PIWIL2: variants seen among roughly 807,000 people sequenced by gnomAD.
PIWIL2 encodes the protein piwi-like protein 2.
A neutral mutation model predicts 116.5 loss-of-function variants in PIWIL2; 81 were observed. The ratio of observed to expected loss-of-function variants is 0.70; its 90% CI spans 0.58 to 0.84. PIWIL2 has a LOEUF of 0.84. Ranked by LOEUF, PIWIL2 falls within the 40% of genes least tolerant of loss-of-function variation. PIWIL2 has a pLI of 0.00. For missense variants in PIWIL2, 1,272 were observed against 1,212.3 expected (o/e 1.05, Z -0.73); for synonymous variants, 489 against 429.5 (o/e 1.14, Z -1.71).
chr8:22,293,840 T>C (rs536932023), intron 10 of PIWIL2, among the ~76,000 whole-genome samples: 13 of 152,214 alleles, frequency 8.5e-5, no homozygotes, highest in African/African-American at 3.1e-4. Context: ...TACTGTACTT[T>C]TTTTGGTTTT....
rs527793446 is a variant in PIWIL2 at position 22,306,513 on chromosome 8, G to T, written c.1545+497G>T. Among the ~76,000 whole-genome samples, 65 of 152,260 alleles carry T rather than the reference G, an allele frequency of 4.3e-4. 1 individual carries two copies. The highest frequency in any genetic ancestry group is 1.6e-3 in the African/African-American group (65 of 41,552). On this transcript the variant is annotated intron_variant, in intron 13 of 22. Coordinates refer to ENST00000356766, the MANE Select transcript of PIWIL2 (RefSeq NM_018068.5). ...TGGGGGTGTTGGGCTCAGCTCCTGT[G>T]GGCAGGGCTGAGTAGCACAGATGGG...
chr8:22,307,530 T>A (rs13257108), intron 13 of PIWIL2, among the ~76,000 whole-genome samples: 1 of 141,662 alleles, frequency 7.1e-6, no homozygotes, highest in East Asian at 2.0e-4. Flanking sequence ...TTGCCCAGGC[T>A]GGAGGGCAGT....
chr8:22,299,824 A>G (rs2132021749), intron 10 of PIWIL2, among the ~76,000 whole-genome samples: 1 of 152,284 alleles, frequency 6.6e-6, no homozygotes, highest in East Asian at 1.9e-4. Context: ...TCTGCACGCC[A>G]TGGGCAGCAA....
At chr8:22,308,774 G>A (rs1007942097) in intron 14 of PIWIL2, among the ~76,000 whole-genome samples, 1 of 151,920 alleles carries the variant, frequency 6.6e-6, no homozygotes, top group Non-Finnish European at 1.5e-5. Flanking sequence ...TCAGCCTCCC[G>A]AATAGTTGGA....
intron 5 of PIWIL2, 31 bp from the exon 6 acceptor site, chr8:22,284,131 T>C (rs748588016): frequency 1.5e-5 from 18 of 1,192,514 alleles, no homozygotes; most frequent in East Asian, 2.4e-5. Flanking sequence ...GTTTTTGATA[T>C]ATGCAGTTGC....
At chr8:22,298,750 A>G (rs956402076) in intron 10 of PIWIL2, among the ~76,000 whole-genome samples, 4 of 152,224 alleles carry the variant, frequency 2.6e-5, no homozygotes, top group African/African-American at 9.6e-5. Flanking sequence ...TTGGTCTTCT[A>G]TAGAATATTT....
chr8:22,325,624 C>T (rs1346272804), intron 20 of PIWIL2, among the ~76,000 whole-genome samples: 2 of 151,140 alleles, frequency 1.3e-5, no homozygotes, highest in African/African-American at 4.9e-5. Context: ...GCTGGGATTA[C>T]AAGCGTGCGC....
At chr8:22,276,398 C>G (rs1830371181) in intron 1 of PIWIL2, among the ~76,000 whole-genome samples, 1 of 152,210 alleles carries the variant, frequency 6.6e-6, no homozygotes, top group African/African-American at 2.4e-5. Context: ...TCACTGCAAC[C>G]TCCGCCTCCC....
intron 20 of PIWIL2, among the ~76,000 whole-genome samples, chr8:22,338,444 A>G (rs550622482): frequency 6.6e-6 from 1 of 152,160 alleles, no homozygotes; most frequent in Admixed American, 6.5e-5. Flanking sequence ...TAATCTTAGC[A>G]CTTTAGAAGA....
chr8:22,339,130 C>A (rs982194906), intron 20 of PIWIL2, among the ~76,000 whole-genome samples: 6 of 152,144 alleles, frequency 3.9e-5, no homozygotes, highest in African/African-American at 1.4e-4. Context: ...TATCCACATA[C>A]ACAAGAATGA....
intron 16 of PIWIL2, among the ~76,000 whole-genome samples, chr8:22,312,002 G>A (rs891828428): frequency 2.0e-5 from 3 of 151,826 alleles, no homozygotes; most frequent in African/African-American, 7.3e-5. Flanking sequence ...AGTGGCTCAC[G>A]CCTGGAATTC....
chr8:22,292,926 T>A (rs1830797805), intron 10 of PIWIL2, among the ~76,000 whole-genome samples: 1 of 152,170 alleles, frequency 6.6e-6, no homozygotes, highest in Non-Finnish European at 1.5e-5. Context: ...AGTAACTCCA[T>A]TTTTGGTTTG....
intron 1 of PIWIL2, among the ~76,000 whole-genome samples, chr8:22,279,008 A>C (rs1165524563): frequency 2.0e-5 from 3 of 152,166 alleles, no homozygotes; most frequent in African/African-American, 7.2e-5. Flanking sequence ...TTCATTATCT[A>C]TTATAATGTA....
chr8:22,309,491 A>G (rs994835360), intron 14 of PIWIL2, among the ~76,000 whole-genome samples: 1 of 151,772 alleles, frequency 6.6e-6, no homozygotes, highest in East Asian at 2.0e-4. Context: ...GGCATGCGCC[A>G]CCACACCCAG....
intron 20 of PIWIL2, among the ~76,000 whole-genome samples, chr8:22,346,908 GC>G (rs976170679): frequency 6.6e-6 from 1 of 152,012 alleles, no homozygotes; most frequent in African/African-American, 2.4e-5. Context: ...GGGCATAGCC[GC>G]TCGTGGCTGT....
intron 3 of PIWIL2, 44 bp from the exon 4 acceptor site, chr8:22,281,333 C>T (rs371377774): frequency 3.2e-6 from 5 of 1,584,114 alleles, no homozygotes; most frequent in East Asian, 4.5e-5. Context: ...CTTTAAAACA[C>T]GTTTAAGTCA....
Position 22,355,733 on chromosome 8 carries a change from G to A in PIWIL2, c.*228G>A, listed in dbSNP as rs537375399. On this transcript the variant is annotated 3_prime_UTR_variant, in exon 23 of 23. Coordinates refer to ENST00000356766, the MANE Select transcript of PIWIL2 (RefSeq NM_018068.5). Reference sequence around the variant, plus strand: ...TTGTTGCCTGTGTAGAGCAAGTTACGGTGGTACTGCCACTCTGCAGGTGGA... The same window carrying A: ...TTGTTGCCTGTGTAGAGCAAGTTACAGTGGTACTGCCACTCTGCAGGTGGA... The A allele has an allele frequency of 1.2e-5, 6 of 520,398 alleles. No individual in the cohort carries two copies. Among genetic ancestry groups the A allele is most frequent in the East Asian group, 3.3e-5 (1 of 30,304 alleles). The allele number at this position is 520,398 out of a possible 1,614,324, so 32.2% of individuals were successfully genotyped here.
chr8:22,317,637 T>C (rs1377177431), intron 19 of PIWIL2, among the ~76,000 whole-genome samples: 1 of 151,816 alleles, frequency 6.6e-6, no homozygotes, highest in African/African-American at 2.4e-5. Context: ...ACAATTACAC[T>C]TTTTTTAAAT....
intron 20 of PIWIL2, among the ~76,000 whole-genome samples, chr8:22,334,998 C>T (rs1337121213): frequency 1.3e-4 from 20 of 148,462 alleles, no homozygotes; most frequent in African/African-American, 3.7e-4. Flanking sequence ...GAGGTTGCAG[C>T]GAGCCAACAT....
Sources: gnomAD v4.1 joint callset for allele counts (sites outside exome capture counted in the v4.1 genomes callset) on GRCh38, gnomAD v4.1.1 for gene constraint, MANE v1.5 for transcripts, NCBI Gene and HGNC (gene_info 2026-07-23, HGNC 2026-07-21) for gene names.